The following SPON2 variants were observed in gnomAD, a reference collection of about 807,000 sequenced individuals.
The protein encoded by SPON2 is spondin-2.
A neutral mutation model predicts 29.9 loss-of-function variants in SPON2; 32 were observed. The ratio of observed to expected loss-of-function variants is 1.07; its 90% confidence interval spans 0.81 to 1.44. The LOEUF is 1.44. SPON2 is among the 40% of genes most tolerant of loss of function. The pLI is 0.00. For synonymous variants in SPON2, 248 were observed against 209.1 expected (o/e 1.19, Z -1.61); for missense variants, 541 against 455.5 (o/e 1.19, Z -1.71).
At chr4:1,177,680 C>T (rs1727630003), upstream of SPON2, among the ~76,000 whole-genome samples, 1 of 152,198 alleles carries the variant, frequency 6.6e-6, no homozygotes, top group African/African-American at 2.4e-5. Flanking sequence ...CTTTACCTTT[C>T]TGCATGGGTT....
At chr4:1,183,911 T>C (rs926399389) in intron 1 of SPON2, among the ~76,000 whole-genome samples, 4 of 152,180 alleles carry the variant, frequency 2.6e-5, no homozygotes, top group Admixed American at 2.6e-4. Flanking sequence ...CAAAAAACTA[T>C]AACGCAAATA....
At chr4:1,200,818 C>A (rs1232147384) in intron 1 of SPON2, 1 of 456,670 alleles carries the variant, frequency 2.2e-6, no homozygotes, top group Non-Finnish European at 4.4e-6. Flanking sequence ...TGGAGAAAGC[C>A]CAGCTCCTGG....
At chr4:1,174,518 C>CA (rs1727554297), upstream of SPON2, among the ~76,000 whole-genome samples, 1 of 135,464 alleles carries the variant, frequency 7.4e-6, no homozygotes, top group South Asian at 2.3e-4. Flanking sequence ...AAACAAAAAA[C>CA]AAAAACAAAA....
intron 1 of SPON2, chr4:1,201,379 G>C: frequency 3.1e-6 from 1 of 327,700 alleles, no homozygotes; most frequent in South Asian, 2.5e-5. Context: ...CAGGCCTGTG[G>C]TCAGCAATGC....
At chr4:1,191,401 C>T (rs976519851) in intron 1 of SPON2, among the ~76,000 whole-genome samples, 1 of 152,174 alleles carries the variant, frequency 6.6e-6, no homozygotes, top group Admixed American at 6.5e-5. Context: ...GACAACTGGA[C>T]CTCCATTTGC....
At chr4:1,198,866 C>T (rs2108677913), upstream of SPON2, among the ~76,000 whole-genome samples, 1 of 152,094 alleles carries the variant, frequency 6.6e-6, no homozygotes, top group Middle Eastern at 3.4e-3. Context: ...GAAAAAAGTG[C>T]AAAAGTCTCT....
At chr4:1,178,400 C>G (rs979253230) in intron 2 of SPON2, among the ~76,000 whole-genome samples, 3 of 151,730 alleles carry the variant, frequency 2.0e-5, no homozygotes, top group African/African-American at 7.3e-5. Context: ...TCTCCTGGCC[C>G]CCTCCCCCTC....
At chr4:1,176,839 GTTCATTCACACACTTCATTCA>G (rs200447740), upstream of SPON2, among the ~76,000 whole-genome samples, 200 of 147,742 alleles carry the variant, frequency 1.4e-3, no homozygotes, top group East Asian at 0.013. Flanking sequence ...CATTCACACA[GTTCATTCACACACTTCATTCA>G]TTCATTCACA....
At chr4:1,207,666 C>T (rs1189136547) in intron 1 of SPON2, among the ~76,000 whole-genome samples, 3 of 150,754 alleles carry the variant, frequency 2.0e-5, no homozygotes, top group African/African-American at 7.4e-5. Flanking sequence ...ATGCGCCGCG[C>T]TTACACATGC....
In SPON2 at chr4:1,202,779, T is replaced by A. The variant is rs948630433; in HGVS notation, c.-234+5101A>T. On this transcript the variant is annotated intron_variant, in intron 1 of 3. Transcript: ENST00000509233. This position sits in a 1 kb window ranked among gnomAD's most constrained non-coding sequence, Gnocchi z 5.4. ...GGCCCCAAGGCTGTCAGCAACATGC[T>A]TTGAAATCTGGGTGCAGGCCACCAT... Among the ~76,000 whole-genome samples, 10 of 152,116 alleles carry A rather than the reference T, an allele frequency of 6.6e-5. No individual in the cohort carries two copies. The highest frequency in any genetic ancestry group is 2.4e-4 in the African/African-American group (10 of 41,420).
rs1158718084 is a variant in SPON2, at chr4:1,202,710, G to C, written c.-234+5170C>G. On this transcript the variant is annotated intron_variant, in intron 1 of 3. Coordinates refer to the SPON2 transcript ENST00000509233. The surrounding 1 kb of genome is among the most constrained non-coding windows in gnomAD (Gnocchi z 5.4). ...CAGCTCCGGTGGGCATAGCCTCGGT[G>C]GGGACTCCGAGGCAGCTCCAACCCC... is the stretch of plus-strand genomic sequence containing the variant. 6.6e-6 allele frequency among the ~76,000 whole-genome samples: 1 copy of C among 152,170 alleles called. No individual in the cohort carries two copies. The highest frequency in any genetic ancestry group is 1.5e-5 in the Non-Finnish European group (1 of 68,026).
At chr4:1,185,505 C>G (rs1288293486) in intron 1 of SPON2, among the ~76,000 whole-genome samples, 3 of 150,788 alleles carry the variant, frequency 2.0e-5, no homozygotes, top group African/African-American at 7.3e-5. Context: ...GTCGGGAGTT[C>G]CACACCAGCC....
chr4:1,206,835 G>A (rs1389687154), intron 1 of SPON2, among the ~76,000 whole-genome samples: 3 of 152,098 alleles, frequency 2.0e-5, no homozygotes, highest in Non-Finnish European at 4.4e-5. Flanking sequence ...CTTTGACCAC[G>A]AGTGCACAGG....
In SPON2 at chr4:1,171,903, G is replaced by A. The variant is rs562953830; in HGVS notation, c.169C>T (p.Pro57Ser). ...GGGCGGAACAGGGGGTACTGCTTGGGGAAGGCCGTCTGGCTCCACTTGCCC... is the reference window on the plus strand; with the variant it reads ...GGGCGGAACAGGGGGTACTGCTTGGAGAAGGCCGTCTGGCTCCACTTGCCC... ...FTGKWSQTAF[P>S]KQYPLFRPPA... Residue 57 changes from proline to serine, a missense_variant, in exon 2 of 6, where the codon CCC becomes TCC. By Grantham distance (74) the Pro-to-Ser change is moderately conservative. Coordinates refer to ENST00000290902, the MANE Select transcript of SPON2 (RefSeq NM_012445.4). The A allele has an allele frequency of 6.2e-7, 1 of 1,612,996 alleles. No homozygotes were observed. The highest frequency in any genetic ancestry group is 1.7e-5 in the Admixed American group (1 of 60,032).
chr4:1,172,149 C>G (rs1345245516), intron 1 of SPON2, 75 bp from the exon 2 acceptor site: 38 of 1,350,610 alleles, frequency 2.8e-5, no homozygotes, highest in Non-Finnish European at 3.8e-5. Context: ...GAGAGGGCTG[C>G]GGCACTTTGG....
chr4:1,185,773 G>GT (rs1727781865), intron 1 of SPON2, among the ~76,000 whole-genome samples: 1 of 148,090 alleles, frequency 6.8e-6, no homozygotes. Flanking sequence ...ACTCAAAACT[G>GT]ATTAAAGACC....
At chr4:1,174,136 G>T (rs1727540854), upstream of SPON2, among the ~76,000 whole-genome samples, 1 of 152,006 alleles carries the variant, frequency 6.6e-6, no homozygotes. Context: ...AGACTGAGGT[G>T]GGAGGATCAC....
At chr4:1,191,770 C>T (rs1727918569) in intron 1 of SPON2, among the ~76,000 whole-genome samples, 1 of 152,208 alleles carries the variant, frequency 6.6e-6, no homozygotes, top group Non-Finnish European at 1.5e-5. Context: ...GACACCAGAA[C>T]CATAGGGTGT....
At chr4:1,197,564 C>T (rs566699837), upstream of SPON2, among the ~76,000 whole-genome samples, 4 of 152,052 alleles carry the variant, frequency 2.6e-5, no homozygotes, top group Non-Finnish European at 4.4e-5. Context: ...AAAAAATAAA[C>T]GAGAGGGACT....
Sources: allele counts gnomAD v4.1 joint callset (sites outside exome capture counted in the v4.1 genomes callset), GRCh38; gene constraint gnomAD v4.1.1; non-coding constraint Gnocchi (gnomAD v3.1); transcripts MANE v1.5; gene names NCBI Gene and HGNC (gene_info 2026-07-23, HGNC 2026-07-21).